DIPK2B: variants seen among roughly 807,000 people sequenced by gnomAD.
The protein encoded by DIPK2B is divergent protein kinase domain 2B, also known as UPF0672 protein CXorf36.
Under a neutral mutation model 22.2 loss-of-function variants are expected in DIPK2B, and 15 were observed. The ratio of observed to expected loss-of-function variants is 0.68; its 90% CI spans 0.45 to 1.04. The LOEUF (loss-of-function observed/expected upper bound fraction) is 1.04. Ranked by LOEUF, DIPK2B falls within the 50% of genes least tolerant of loss-of-function variation. DIPK2B has a pLI of 0.00. For synonymous variants in DIPK2B, 163 were observed against 153.2 expected, an observed-to-expected ratio of 1.06 and a Z score of -0.47; for missense variants, 345 against 348.3, an observed-to-expected ratio of 0.99 and a Z score of 0.08.
chrX:45,184,160 G>A (rs1246709421), intron 2 of DIPK2B, among the ~76,000 whole-genome samples: 1 of 111,498 alleles, frequency 9.0e-6, no homozygotes, highest in East Asian at 2.8e-4. Context: ...TGTTTACAAT[G>A]GGGAAGCCAG....
intron 1 of DIPK2B, among the ~76,000 whole-genome samples, chrX:45,192,871 T>C (rs1265194599): frequency 8.9e-6 from 1 of 112,220 alleles, no homozygotes; most frequent in Non-Finnish European, 1.9e-5. Context: ...CTCTGTCTCC[T>C]GGATTCAAGC....
chrX:45,187,468 G>GCACACACACA (rs34308256), intron 2 of DIPK2B, among the ~76,000 whole-genome samples: 2 of 98,478 alleles, frequency 2.0e-5, no homozygotes, highest in African/African-American at 7.3e-5. Flanking sequence ...GCGCGCGCGC[G>GCACACACACA]CACACACACA....
intron 2 of DIPK2B, among the ~76,000 whole-genome samples, chrX:45,159,806 A>G (rs1688992811): frequency 8.9e-6 from 1 of 112,387 alleles, no homozygotes; most frequent in Non-Finnish European, 1.9e-5. Flanking sequence ...ATTACAAATT[A>G]TATTTTACAA....
rs750078582 is a variant in DIPK2B, at chrX:45,191,734, A to C, written c.498+17T>G. On this transcript the variant is annotated intron_variant, in intron 2 of 4. Coordinates refer to ENST00000398000, the MANE Select transcript of DIPK2B (RefSeq NM_176819.4). ...ATCATCCCCTTCACACCCCCTTCCC[A>C]TGGCCTTCACACTCACCTGCACCAG... The C allele has an allele frequency of 5.0e-6, 6 of 1,201,464 alleles. No individual in the cohort carries two copies. In the African/African-American group the frequency reaches 7.0e-5, roughly 14 times the overall value.
chrX:45,199,949 C>T (rs2047258566), intron 1 of DIPK2B, among the ~76,000 whole-genome samples: 1 of 112,261 alleles, frequency 8.9e-6, no homozygotes, highest in Admixed American at 9.4e-5. Context: ...TCAAGGCAAT[C>T]TCTCACAACA....
chrX:45,171,785 C>G (rs144403488), intron 2 of DIPK2B, among the ~76,000 whole-genome samples: 1,538 of 112,786 alleles, frequency 0.014, 27 homozygotes, highest in African/African-American at 0.047. Context: ...GTGCTATGCA[C>G]ATCGGGTCTC....
At chrX:45,159,407 C>T (rs1387458095) in intron 2 of DIPK2B, among the ~76,000 whole-genome samples, 2 of 111,609 alleles carry the variant, frequency 1.8e-5, no homozygotes, top group Non-Finnish European at 3.8e-5. Flanking sequence ...TCAGTTGCTC[C>T]AAGTCACATA....
chrX:45,197,961 A>G (rs190855452), intron 1 of DIPK2B, among the ~76,000 whole-genome samples: 1,196 of 112,531 alleles, frequency 0.011, 10 homozygotes, highest in Non-Finnish European at 0.017. Flanking sequence ...TTAATAAATT[A>G]TAGTTAAATA....
intron 1 of DIPK2B, among the ~76,000 whole-genome samples, chrX:45,197,524 C>T (rs2148352898): frequency 8.9e-6 from 1 of 112,010 alleles, no homozygotes; most frequent in Admixed American, 9.5e-5. Flanking sequence ...GTGTGAGCCA[C>T]CTCGCCTGGC....
At chrX:45,166,259 G>T (rs759544502) in intron 2 of DIPK2B, among the ~76,000 whole-genome samples, 1 of 111,205 alleles carries the variant, frequency 9.0e-6, no homozygotes, top group Non-Finnish European at 1.9e-5. Flanking sequence ...GGGCTGCTTC[G>T]GGTCTTAAAA....
chrX:45,155,579 G>A (rs1345727399), intron 3 of DIPK2B, among the ~76,000 whole-genome samples: 1 of 109,350 alleles, frequency 9.1e-6, no homozygotes, highest in Admixed American at 9.9e-5. Context: ...TGCCAGCCGT[G>A]GGTGAATCTG....
chrX:45,191,330 C>T (rs1022532137), intron 2 of DIPK2B: 4 of 125,410 alleles, frequency 3.2e-5, no homozygotes, highest in Non-Finnish European at 6.4e-5. Context: ...AGTTGTCTCT[C>T]TGTATTTTGA....
At chrX:45,191,621 T>C (rs903364406) in intron 2 of DIPK2B, 130 bp downstream of exon 2, 1 of 802,397 alleles carries the variant, frequency 1.2e-6, no homozygotes, top group East Asian at 3.2e-5. Context: ...TTTATGACAG[T>C]GTTTTGTCAC....
At chrX:45,196,285 G>A (rs754415254) in intron 1 of DIPK2B, among the ~76,000 whole-genome samples, 19 of 111,457 alleles carry the variant, frequency 1.7e-4, no homozygotes, top group African/African-American at 6.2e-4. Flanking sequence ...TGAATGAATG[G>A]GTGGATGGAT....
chrX:45,163,411 A>G (rs1040458705), intron 2 of DIPK2B: 1 of 754,264 alleles, frequency 1.3e-6, no homozygotes, highest in Non-Finnish European at 1.6e-6. Context: ...CTCGTTCATT[A>G]CAAAAATGGA....
At chrX:45,162,642 C>T in intron 2 of DIPK2B, 1 of 754,504 alleles carries the variant, frequency 1.3e-6, no homozygotes, top group Non-Finnish European at 1.6e-6. Flanking sequence ...TTACCAATTG[C>T]TTTGGAGTTT....
intron 2 of DIPK2B, 41 bp downstream of exon 2, chrX:45,191,710 T>C (rs778866891): frequency 2.1e-5 from 25 of 1,172,890 alleles, no homozygotes; most frequent in South Asian, 1.5e-4. Flanking sequence ...CTCTTTCTCA[T>C]CATCCCCTTC....
intron 2 of DIPK2B, among the ~76,000 whole-genome samples, chrX:45,169,026 A>G (rs751750530): frequency 1.4e-4 from 16 of 111,880 alleles, no homozygotes; most frequent in Non-Finnish European, 2.8e-4. Flanking sequence ...ACTGATGGAT[A>G]GGATTCATGT....
chrX:45,185,899 G>C, intron 2 of DIPK2B, among the ~76,000 whole-genome samples: 1 of 110,792 alleles, frequency 9.0e-6, no homozygotes. Flanking sequence ...TGATCCGCCC[G>C]CCTCGGCCTC....
Sources: allele counts gnomAD v4.1 joint callset (sites outside exome capture counted in the v4.1 genomes callset), GRCh38; gene constraint gnomAD v4.1.1; transcripts MANE v1.5; gene names NCBI Gene and HGNC (gene_info 2026-07-23, HGNC 2026-07-21).